The following THADA variants were observed in gnomAD, a reference collection of about 807,000 sequenced individuals.
THADA encodes THADA armadillo repeat containing.
In THADA, 213 loss-of-function variants were observed where a neutral mutation model predicts 219.8. The ratio of observed to expected loss-of-function variants is 0.97; its 90% CI spans 0.87 to 1.09. THADA has a LOEUF of 1.09. Ranked by LOEUF, THADA falls within the 50% of genes least tolerant of loss-of-function variation. The probability of loss-of-function intolerance (pLI) is 0.00; values close to 1 mark genes in which losing one functional copy is unlikely to be tolerated. For synonymous variants in THADA, 1,018 were observed against 828.9 expected (o/e 1.23, Z -3.92); for missense variants, 2,956 against 2,311.3 (o/e 1.28, Z -5.72).
At chr2:43,425,458 G>GTGTGTT (rs1678308855) in intron 28 of THADA, among the ~76,000 whole-genome samples, 1 of 149,490 alleles carries the variant, frequency 6.7e-6, no homozygotes, top group Non-Finnish European at 1.5e-5. Context: ...GTGTGTGTGT[G>GTGTGTT]TGTGTGTGTG....
intron 31 of THADA, among the ~76,000 whole-genome samples, chr2:43,298,805 G>T (rs1011016952): frequency 2.0e-5 from 3 of 152,086 alleles, no homozygotes; most frequent in South Asian, 2.1e-4. Flanking sequence ...GGAGGAGATG[G>T]GGAGCAAGCA....
rs1248267446 is a variant in THADA, at chr2:43,586,708, T to C, written c.478A>G (p.Lys160Glu). The change falls in exon 6 of 38, where the codon AAA becomes GAA. Residue 160 changes from lysine (K) to glutamate (E), a missense_variant. Transcript: ENST00000405975. Reference protein sequence around the residue: ...LGRASVNNLLKNVLHFLQKSL... With the variant: ...LGRASVNNLLENVLHFLQKSL... ...ATAAAATAATAGGACTTACCATTTT[T>C]AAGCAGATTATTAACACTTGCTCTA... 2 of 1,611,786 alleles carry C rather than the reference T, an allele frequency of 1.2e-6. No individual in the cohort carries two copies. The highest frequency in any genetic ancestry group is 1.7e-4 in the Middle Eastern group (1 of 5,866).
At chr2:43,536,048 C>G (rs1008147312) in intron 21 of THADA, among the ~76,000 whole-genome samples, 1 of 152,052 alleles carries the variant, frequency 6.6e-6, no homozygotes, top group Non-Finnish European at 1.5e-5. Context: ...TTGATCCGCC[C>G]GCCTCAGCCT....
In THADA at chr2:43,344,193, C is replaced by G. The variant is rs189899789; in HGVS notation, c.4272G>C (p.Thr1424=). The G allele has an allele frequency of 1.9e-6, 3 of 1,612,466 alleles. No homozygotes were observed. The highest frequency in any genetic ancestry group is 2.5e-6 in the Non-Finnish European group (3 of 1,179,454). The part of the protein sequence containing the change: ...LQAYSDSKHG[T]NSDFQHELTD... ...TCAGCTCGTGCTGGAAGTCTGAATT[C>G]GTTCCGTGTTTGGAGTCTGAGTAGG... Residue 1424 remains threonine (T), a synonymous_variant, in exon 30 of 38, where the codon ACG becomes ACC. Transcript: ENST00000405975.
At chr2:43,318,769 A>G (rs1199039123) in intron 31 of THADA, among the ~76,000 whole-genome samples, 3 of 152,250 alleles carry the variant, frequency 2.0e-5, no homozygotes, top group African/African-American at 7.2e-5. Flanking sequence ...CTGTTTAATT[A>G]GGGTATAAAC....
At chr2:43,291,222 G>A (rs541049868) in intron 34 of THADA, among the ~76,000 whole-genome samples, 103 of 151,808 alleles carry the variant, frequency 6.8e-4, no homozygotes, top group African/African-American at 2.4e-3. Flanking sequence ...GGCCGAGGCG[G>A]GTGGATCACC....
chr2:43,297,508 G>GC lies in THADA; in HGVS notation c.4439-4296dup, dbSNP rs1305632999. ...CATCCGGGAGGGAGGTGGGCGGTCA[G>GC]CCCCCCCGCCCGGCCAGCCGTGCCG... On this transcript the variant is annotated intron_variant, in intron 31 of 37. Coordinates refer to ENST00000405975, the MANE Select transcript of THADA (RefSeq NM_022065.5). Among the ~76,000 whole-genome samples the GC allele has an allele frequency of 2.9e-4, 28 of 95,654 alleles. 2 individuals are homozygous for GC. Among genetic ancestry groups the GC allele is most frequent in the African/African-American group, 1.4e-3 (25 of 18,236 alleles). 62.8% of individuals were successfully genotyped at this position (95,654 alleles called of 152,430 possible).
At chr2:43,535,241 T>C (rs936772295) in intron 21 of THADA, among the ~76,000 whole-genome samples, 3 of 148,904 alleles carry the variant, frequency 2.0e-5, no homozygotes, top group African/African-American at 7.4e-5. Context: ...ATTAATCCTG[T>C]CAGATGAATA....
chr2:43,231,897 G>C (rs1479004792), intron 37 of THADA, among the ~76,000 whole-genome samples: 1 of 152,186 alleles, frequency 6.6e-6, no homozygotes, highest in South Asian at 2.1e-4. Context: ...TGCCAAGAAG[G>C]CCAGCTGAGT....
intron 31 of THADA, among the ~76,000 whole-genome samples, chr2:43,295,091 T>C (rs1675208243): frequency 6.6e-6 from 1 of 152,118 alleles, no homozygotes; most frequent in Non-Finnish European, 1.5e-5. Flanking sequence ...AAAATCTATT[T>C]CTACAAAAAA....
At chr2:43,447,086 A>T (rs552272727) in intron 26 of THADA, among the ~76,000 whole-genome samples, 113 of 152,310 alleles carry the variant, frequency 7.4e-4, no homozygotes, top group African/African-American at 2.6e-3. Flanking sequence ...AGGCCTCAGG[A>T]AATTTACAAT....
In THADA at chr2:43,256,859, G is replaced by A. The variant is rs1259229479; in HGVS notation, c.5296+22906C>T. Among the ~76,000 whole-genome samples, 5 of 152,084 alleles carry A rather than the reference G, an allele frequency of 3.3e-5. 1 individual carries two copies. The highest frequency in any genetic ancestry group is 4.1e-4 in the South Asian group (2 of 4,832). The stretch of plus-strand genomic sequence containing the variant: ...CTCCCAAAATGCTGGGATTATAGGT[G>A]CGAGCCACTACACCTGGCCAACATT... On this transcript the variant is annotated intron_variant, in intron 36 of 37. Coordinates refer to ENST00000405975, the MANE Select transcript of THADA (RefSeq NM_022065.5).
chr2:43,595,401 A>T (rs1282199450), intron 1 of THADA, among the ~76,000 whole-genome samples: 1 of 152,226 alleles, frequency 6.6e-6, no homozygotes, highest in African/African-American at 2.4e-5. Flanking sequence ...CCATCGTACA[A>T]AGCCAGAAGA....
At chr2:43,342,729 T>A (rs1326670207) in intron 30 of THADA, among the ~76,000 whole-genome samples, 1 of 152,216 alleles carries the variant, frequency 6.6e-6, no homozygotes, top group Non-Finnish European at 1.5e-5. Context: ...TTTATACACG[T>A]CTTTCTCACT....
rs34717327 is a variant in THADA, at chr2:43,571,249, ATT to A, written c.2064+456_2064+457del. Among the ~76,000 whole-genome samples, 1,188 of 123,134 alleles carry A rather than the reference ATT, an allele frequency of 9.6e-3. 10 individuals are homozygous for A. Among genetic ancestry groups the A allele is most frequent in the African/African-American group, 0.032 (1,016 of 32,252 alleles). The allele number at this position is 123,134 out of a possible 152,430, so 80.8% of individuals were successfully genotyped here. A position where few individuals can be genotyped will look rare whatever the true frequency, so the allele number is the denominator to read the frequency against. On this transcript the variant is annotated intron_variant, in intron 13 of 37. Coordinates refer to ENST00000405975, the MANE Select transcript of THADA (RefSeq NM_022065.5). ...CCAGCCTGGCTGACAGAGCAAGACT[ATT>A]TTTTTTTTTTTTTTTTTGGAGACCG...
At chr2:43,322,090 T>C (rs2163227) in intron 30 of THADA, among the ~76,000 whole-genome samples, 47,048 of 151,592 alleles carry the variant, frequency 0.31, 7,910 homozygotes, top group African/African-American at 0.43. Flanking sequence ...GGCTGGAGTG[T>C]GGTGGTATGA....
intron 26 of THADA, among the ~76,000 whole-genome samples, chr2:43,435,797 A>G (rs980287803): frequency 1.2e-3 from 176 of 148,678 alleles, no homozygotes; most frequent in Middle Eastern, 7.0e-3. Flanking sequence ...AAAAAAAAAA[A>G]AAAGAAAGAA....
chr2:43,501,324 AAAAAAAAAAAAAAAAG>A lies in THADA; in HGVS notation c.3622-2385_3622-2370del, dbSNP rs528038199. ...TCCAACTCCAAAAAAAAAAAAAAAA[AAAAAAAAAAAAAAAAG>A]AGAGACTTTTATGGGAATTAGTTTA... is the stretch of plus-strand genomic sequence containing the variant. On this transcript the variant is annotated intron_variant, in intron 24 of 37. Coordinates refer to ENST00000405975, the MANE Select transcript of THADA (RefSeq NM_022065.5). Among the ~76,000 whole-genome samples the A allele has an allele frequency of 8.6e-3, 1,274 of 147,928 alleles. 27 individuals are homozygous for A. Among genetic ancestry groups the A allele is most frequent in the African/African-American group, 0.03 (1,199 of 39,978 alleles).
chr2:43,336,096 CAA>C (rs1324499721), intron 30 of THADA, among the ~76,000 whole-genome samples: 4 of 134,652 alleles, frequency 3.0e-5, no homozygotes, highest in South Asian at 2.3e-4. Flanking sequence ...GACTCCATCT[CAA>C]AAAAAAAAAA....
Sources: allele counts gnomAD v4.1 joint callset (sites outside exome capture counted in the v4.1 genomes callset), GRCh38; gene constraint gnomAD v4.1.1; transcripts MANE v1.5; gene names NCBI Gene and HGNC (gene_info 2026-07-23, HGNC 2026-07-21).